NKPD1: variants seen among roughly 807,000 people sequenced by gnomAD.
The protein encoded by NKPD1 is NTPase KAP family P-loop domain-containing protein 1.
In NKPD1, 37 loss-of-function variants were observed where a neutral mutation model predicts 42.2. That is an observed-to-expected ratio of 0.88 (90% CI 0.67 to 1.15). NKPD1 has a LOEUF of 1.15. Ranked by LOEUF, NKPD1 falls within the 50% of genes most tolerant of loss-of-function variation. NKPD1 has a pLI of 0.00. For synonymous variants in NKPD1, 552 were observed against 536.5 expected, an observed-to-expected ratio of 1.03 and a Z score of -0.40; for missense variants, 1,113 against 1,174.6, an observed-to-expected ratio of 0.95 and a Z score of 0.77.
Position 45,151,402 on chromosome 19 carries a change from C to T in NKPD1, c.*536G>A, listed in dbSNP as rs945046627. The T allele has an allele frequency of 6.5e-6, 1 of 152,748 alleles. No homozygotes were observed. The highest frequency in any genetic ancestry group is 6.5e-5 in the Admixed American group (1 of 15,300). The allele number at this position is 152,748 out of a possible 1,614,324, so 9.5% of individuals were successfully genotyped here. On this transcript the variant is annotated 3_prime_UTR_variant, in exon 5 of 5. Coordinates refer to ENST00000686631, the MANE Select transcript of NKPD1 (RefSeq NM_198478.4). ...AGGTCATCCTCAGAAATGCCAGCCC[C>T]TGCCCTACTCACAGAGGGGCAAGCT...
In NKPD1 at chr19:45,160,184, C is replaced by T; in HGVS notation, c.-34G>A. 1 of 1,252,916 alleles carries T rather than the reference C, an allele frequency of 8.0e-7. No homozygotes were observed. The highest frequency in any genetic ancestry group is 1.1e-6 in the Non-Finnish European group (1 of 942,670). 77.6% of individuals were successfully genotyped at this position (1,252,916 alleles called of 1,614,324 possible). On this transcript the variant is annotated 5_prime_UTR_variant, in exon 2 of 5. Transcript: ENST00000686631. ...GGCAGCTGGGTGCTGGGGGCCTGCT[C>T]CTGAGGCAGGAGGGAGCACACAGGC...
In NKPD1 at chr19:45,156,057, G is replaced by A. The variant is rs1339770403; in HGVS notation, c.530-141C>T. 4.0e-6 allele frequency: 3 copies of A among 750,804 alleles called. No individual in the cohort carries two copies. In the South Asian group the frequency reaches 5.3e-5, roughly 13 times the overall value. The allele number at this position is 750,804 out of a possible 1,614,324, so 46.5% of individuals were successfully genotyped here. ...GACTCAGGTCAAACCCTGCAGTGGA[G>A]GTTTCTGTGGCCATCAGTGGCCCTC... On this transcript the variant is annotated intron_variant, in intron 3 of 4. Transcript: ENST00000686631.
intron 4 of NKPD1, 183 bp from the exon 5 acceptor site, chr19:45,153,958 G>A (rs1033266195): frequency 3.5e-6 from 2 of 565,660 alleles, no homozygotes; most frequent in Middle Eastern, 4.9e-4. Context: ...GGGGCGTGGA[G>A]AGGCCTGGAG....
At chr19:45,155,084 G>A (rs566334046) in intron 4 of NKPD1, among the ~76,000 whole-genome samples, 1 of 150,818 alleles carries the variant, frequency 6.6e-6, no homozygotes, top group South Asian at 2.1e-4. Flanking sequence ...AGCACTTTGG[G>A]AGGCTGAGGC....
chr19:45,152,524 T>C lies in NKPD1; in HGVS notation c.1913A>G (p.Gln638Arg). 1 of 1,574,330 alleles carries C rather than the reference T, an allele frequency of 6.4e-7. No homozygotes were observed. Among genetic ancestry groups the C allele is most frequent in the East Asian group, 2.3e-5 (1 of 42,770 alleles). Residue 638 changes from glutamine to arginine, a missense_variant, in exon 5 of 5, where the codon CAG becomes CGG. This residue lies in a region of NKPD1 where 867 missense variants were observed against 870.1 expected (regional missense o/e 1.00). Transcript: ENST00000686631. Reference protein sequence around the residue: ...TVPITVRLLQQQQQQGDFGGP... With the variant: ...TVPITVRLLQRQQQQGDFGGP... ...CCCAAAGTCCCCCTGCTGCTGCTGC[T>C]GCTGCAGCAGGCGCACGGTGATGGG... is the stretch of plus-strand genomic sequence containing the variant.
chr19:45,152,767 G>A lies in NKPD1; in HGVS notation c.1670C>T (p.Thr557Met), dbSNP rs1568456286. Reference protein sequence around the residue: ...SRDDLLYREMTRKPWLPGDAG... With the variant: ...SRDDLLYREMMRKPWLPGDAG... Reference sequence around the variant, plus strand: ...GTCCCCCGGCAGCCACGGCTTGCGCGTCATCTCGCGGTACAACAGGTCGTC... The same window carrying A: ...GTCCCCCGGCAGCCACGGCTTGCGCATCATCTCGCGGTACAACAGGTCGTC... Residue 557 changes from threonine to methionine, a missense_variant, in exon 5 of 5, where the codon ACG becomes ATG. Thr to Met is a moderately conservative substitution (Grantham distance 81). Around this residue, in one of 3 missense-constraint regions of NKPD1, gnomAD observed 867 missense variants for 870.1 expected, o/e 1.00. Transcript: ENST00000686631. The A allele has an allele frequency of 1.3e-6, 2 of 1,596,786 alleles. No individual in the cohort carries two copies. The highest frequency in any genetic ancestry group is 4.6e-5 in the East Asian group (2 of 43,558).
Position 45,152,483 on chromosome 19 carries a change from G to C in NKPD1, c.1954C>G (p.Gln652Glu). 6.4e-7 allele frequency: 1 copy of C among 1,552,832 alleles called. No homozygotes were observed. The highest frequency in any genetic ancestry group is 8.6e-7 in the Non-Finnish European group (1 of 1,157,114). The part of the protein sequence containing the change: ...QGDFGGPTPR[Q>E]AVAWVVLANQ... Reference sequence around the variant, plus strand: ...GCGAGCACCACCCACGCCACCGCCTGGCGCGGCGTGGGGCCCCCAAAGTCC... The same window carrying C: ...GCGAGCACCACCCACGCCACCGCCTCGCGCGGCGTGGGGCCCCCAAAGTCC... The change falls in exon 5 of 5, where the codon CAG (glutamine) becomes GAG (glutamate). Residue 652 changes from glutamine (Q) to glutamate (E), a missense_variant. By Grantham distance (29) the Gln-to-Glu change is conservative (BLOSUM62 2). Transcript: ENST00000686631.
In NKPD1 at chr19:45,150,903, ACCCT is replaced by A. The variant is rs1340145970; in HGVS notation, c.*1031_*1034del. The A allele has an allele frequency of 6.6e-6, 1 of 152,194 alleles. No homozygotes were observed. Among genetic ancestry groups the A allele is most frequent in the East Asian group, 1.9e-4 (1 of 5,200 alleles). 9.4% of individuals were successfully genotyped at this position (152,194 alleles called of 1,614,324 possible). A position where few individuals can be genotyped will look rare whatever the true frequency, so the allele number is the denominator to read the frequency against. ...CTCAGGGCCCTGGCTCAGAAGCCAC[ACCCT>A]CAGCCTCATCCCAGGGTATGTTCAG... On this transcript the variant is annotated 3_prime_UTR_variant, in exon 5 of 5. Transcript: ENST00000686631.
Position 45,155,903 on chromosome 19 carries a change from C to T in NKPD1, c.543G>A (p.Glu181=), listed in dbSNP as rs889251367. ...FTAYSSDILT[E]DDVYCSCLAK... ...CCAGGCAGCTGCAGTAGACGTCATC[C>T]TCTGTCAGGATGTCTGGTGGTTGGG... The change falls in exon 4 of 5, where the codon GAG becomes GAA. Residue 181 remains glutamate (E), a synonymous_variant. Coordinates refer to ENST00000686631, the MANE Select transcript of NKPD1 (RefSeq NM_198478.4). The T allele has an allele frequency of 5.4e-6, 7 of 1,305,090 alleles. No individual in the cohort carries two copies. Among genetic ancestry groups the T allele is most frequent in the Non-Finnish European group, 7.1e-6 (7 of 988,692 alleles). 80.8% of individuals were successfully genotyped at this position (1,305,090 alleles called of 1,614,324 possible).
At chr19:45,160,729 A>G (rs1475809767) in intron 1 of NKPD1, among the ~76,000 whole-genome samples, 196 bp downstream of exon 1, 1 of 151,682 alleles carries the variant, frequency 6.6e-6, no homozygotes, top group Non-Finnish European at 1.5e-5. Flanking sequence ...CGGTGGTCCA[A>G]TTTGGGGAGA....
rs1477635008 is a variant in NKPD1 at position 45,152,181 on chromosome 19, C to T, written c.2256G>A (p.Arg752=). The T allele has an allele frequency of 1.3e-6, 2 of 1,594,602 alleles. No individual in the cohort carries two copies. Among genetic ancestry groups the T allele is most frequent in the South Asian group, 2.2e-5 (2 of 89,070 alleles). The change falls in exon 5 of 5, where the codon CGG becomes CGA. Residue 752 remains arginine (R), a synonymous_variant. Coordinates refer to ENST00000686631, the MANE Select transcript of NKPD1 (RefSeq NM_198478.4). ...TGACGGCTCGGATGAGACCCATGCG[C>T]CGGCGGATGGAGTGGTCCAGGTTGA... ...CTVNLDHSIR[R]RMGLIRAVSA...
chr19:45,156,402 C>T (rs919398669), intron 3 of NKPD1, among the ~76,000 whole-genome samples: 1 of 152,214 alleles, frequency 6.6e-6, no homozygotes, highest in African/African-American at 2.4e-5. Flanking sequence ...TCCTGTCCAT[C>T]ATGCTGGCAA....
At position 45,159,171 on chromosome 19, in the gene NKPD1, C is replaced by G. The variant is rs1056862550; in HGVS notation, c.92-71G>C. 5 of 1,221,994 alleles carry G rather than the reference C, an allele frequency of 4.1e-6. No individual in the cohort carries two copies. In the African/African-American group the frequency reaches 6.4e-5, roughly 16 times the overall value. The allele number at this position is 1,221,994 out of a possible 1,614,324, so 75.7% of individuals were successfully genotyped here. ...CCGGGGGCACCGGCACAAGCCAGAC[C>G]AAGTCTTCAGGTAGAACCTGGGGGC... is the stretch of plus-strand genomic sequence containing the variant. On this transcript the variant is annotated intron_variant, in intron 2 of 4. Transcript: ENST00000686631.
At chr19:45,157,504 G>A (rs1478509743) in intron 3 of NKPD1, among the ~76,000 whole-genome samples, 1 of 149,820 alleles carries the variant, frequency 6.7e-6, no homozygotes, top group Non-Finnish European at 1.5e-5. Flanking sequence ...CTCGAACTCT[G>A]GGGCTCAAGG....
At position 45,152,121 on chromosome 19, in the gene NKPD1, A is replaced by G. The variant is rs1968791087; in HGVS notation, c.2316T>C (p.Pro772=). ...GGGCAGCGTGGGGGGTATCGCGGGT[A>G]GGGGACTTGGGCGGGCTGGGCGGCT... ...ALKPPSPPKS[P]TRDTPHAAHR... Residue 772 remains proline, a synonymous_variant, in exon 5 of 5, where the codon CCT becomes CCC. Transcript: ENST00000686631. 1 of 1,603,946 alleles carries G rather than the reference A, an allele frequency of 6.2e-7. No individual in the cohort carries two copies. Among genetic ancestry groups the G allele is most frequent in the South Asian group, 1.1e-5 (1 of 90,244 alleles).
intron 4 of NKPD1, 97 bp downstream of exon 4, chr19:45,155,688 C>T (rs1225449077): frequency 8.4e-7 from 1 of 1,191,910 alleles, no homozygotes; most frequent in African/African-American, 1.6e-5. Flanking sequence ...GCAGGCTGGC[C>T]ACAGGGGTGG....
chr19:45,159,986 T>C (rs1396286570), intron 2 of NKPD1, 74 bp downstream of exon 2: 6 of 830,804 alleles, frequency 7.2e-6, no homozygotes, highest in Non-Finnish European at 1.0e-5. Flanking sequence ...CAGCTCCCCT[T>C]CTGTTCCTCC....
At chr19:45,159,510 A>T (rs1968967808) in intron 2 of NKPD1, among the ~76,000 whole-genome samples, 1 of 151,980 alleles carries the variant, frequency 6.6e-6, no homozygotes, top group Admixed American at 6.5e-5. Flanking sequence ...GGTGGCGTGG[A>T]GAGGGGTAGG....
Position 45,153,004 on chromosome 19 carries a change from G to T in NKPD1, c.1433C>A (p.Thr478Lys). The change falls in exon 5 of 5, where the codon ACG (threonine) becomes AAG (lysine). Residue 478 changes from threonine (T) to lysine (K), a missense_variant. Coordinates refer to ENST00000686631, the MANE Select transcript of NKPD1 (RefSeq NM_198478.4). ...RVVGVLNAIN[T>K]LLSDSHAPFI... ...GGGCGCGTGGCTGTCGGACAGCAGC[G>T]TGTTGATGGCGTTGAGCACGCCCAC... 1 of 1,587,038 alleles carries T rather than the reference G, an allele frequency of 6.3e-7. No individual in the cohort carries two copies. Among genetic ancestry groups the T allele is most frequent in the Non-Finnish European group, 8.6e-7 (1 of 1,165,918 alleles).
Sources: gnomAD v4.1 joint callset for allele counts (sites outside exome capture counted in the v4.1 genomes callset) on GRCh38, gnomAD v4.1.1 for gene constraint, gnomAD v4.1.1 regional missense constraint, MANE v1.5 for transcripts, NCBI Gene and HGNC (gene_info 2026-07-23, HGNC 2026-07-21) for gene names.